Variants in DAGLB observed in about 807,000 individuals in gnomAD.
DAGLB encodes the protein diacylglycerol lipase beta.
DAGLB carries 66 observed loss-of-function variants against 72.1 expected under a neutral mutation model. The observed-to-expected ratio is 0.92, with a 90% CI of 0.75 to 1.12. DAGLB has a LOEUF of 1.12. Ranked by LOEUF, DAGLB falls within the 50% of genes most tolerant of loss-of-function variation. The probability of loss-of-function intolerance (pLI) is 0.00; values close to 1 mark genes in which losing one functional copy is unlikely to be tolerated. For missense variants in DAGLB, 1,065 were observed against 884.9 expected (o/e 1.20, Z -2.58); for synonymous variants, 414 against 359.5 (o/e 1.15, Z -1.71).
intron 1 of DAGLB, 91 bp from the exon 2 acceptor site, chr7:6,446,195 G>A (rs924555633): frequency 1.4e-5 from 19 of 1,381,488 alleles, no homozygotes; most frequent in Non-Finnish European, 1.7e-5. Flanking sequence ...GGGACAGGGC[G>A]CGGTGGCTCA....
intron 7 of DAGLB, 107 bp from the exon 8 acceptor site, chr7:6,424,942 C>T: frequency 9.0e-7 from 1 of 1,108,828 alleles, no homozygotes; most frequent in Admixed American, 1.9e-5. Context: ...TCCTGCGGCA[C>T]AGAGAGGAGG....
chr7:6,436,512 G>T lies in DAGLB; in HGVS notation c.269C>A (p.Pro90Gln), dbSNP rs771119310. Residue 90 changes from proline to glutamine, a missense_variant, in exon 3 of 15, where the codon CCG becomes CAG. Pro to Gln is a moderately conservative substitution (Grantham distance 76, BLOSUM62 -1). Transcript: ENST00000297056. Reference sequence around the variant, plus strand: ...AAGCAGCTTAGACATAGACTTCCGCGGTCCAGGGTTACAAATCGTTCCTGA... The same window carrying T: ...AAGCAGCTTAGACATAGACTTCCGCTGTCCAGGGTTACAAATCGTTCCTGA... ...SMRGTICNPG[P>Q]RKSMSKLLYI... 1.9e-6 allele frequency: 3 copies of T among 1,614,050 alleles called. No individual in the cohort carries two copies. Among genetic ancestry groups the T allele is most frequent in the Admixed American group, 3.3e-5 (2 of 59,954 alleles).
At chr7:6,416,011 C>T (rs1016799599) in intron 11 of DAGLB, among the ~76,000 whole-genome samples, 4 of 151,742 alleles carry the variant, frequency 2.6e-5, no homozygotes, top group African/African-American at 9.7e-5. Flanking sequence ...ATGTCAACAA[C>T]CGGACCCCTC....
intron 5 of DAGLB, among the ~76,000 whole-genome samples, chr7:6,431,973 T>A (rs928010985): frequency 7.2e-5 from 11 of 151,996 alleles, no homozygotes; most frequent in Non-Finnish European, 1.5e-4. Flanking sequence ...GACAAAATAA[T>A]CTGTACAACA....
At chr7:6,416,068 G>A (rs1783903845) in intron 11 of DAGLB, among the ~76,000 whole-genome samples, 1 of 152,032 alleles carries the variant, frequency 6.6e-6, no homozygotes, top group African/African-American at 2.4e-5. Flanking sequence ...TTGTGGGGAG[G>A]GAGGGTATGA....
At chr7:6,430,268 T>C (rs1169092003) in intron 6 of DAGLB, among the ~76,000 whole-genome samples, 3 of 120,412 alleles carry the variant, frequency 2.5e-5, no homozygotes, top group Non-Finnish European at 3.4e-5. Context: ...TATATATATA[T>C]ATATATATAT....
At chr7:6,425,407 G>A (rs2115264202) in intron 7 of DAGLB, among the ~76,000 whole-genome samples, 1 of 152,332 alleles carries the variant, frequency 6.6e-6, no homozygotes, top group East Asian at 1.9e-4. Context: ...GACCAGCAGA[G>A]ACTACAGGCG....
At chr7:6,440,238 G>A (rs1784787046) in intron 2 of DAGLB, among the ~76,000 whole-genome samples, 1 of 151,576 alleles carries the variant, frequency 6.6e-6, no homozygotes, top group East Asian at 1.9e-4. Flanking sequence ...TATAAAATTA[G>A]CCAGGTGTGG....
chr7:6,419,460 G>A (rs563492392), intron 9 of DAGLB, among the ~76,000 whole-genome samples: 12 of 152,236 alleles, frequency 7.9e-5, no homozygotes, highest in South Asian at 6.2e-4. Flanking sequence ...GAGCCTCCCC[G>A]GCGCACATCC....
At position 6,410,147 on chromosome 7, in the gene DAGLB, C is replaced by T. The variant is rs774502686; in HGVS notation, c.1803G>A (p.Glu601=). 3.2e-6 allele frequency: 5 copies of T among 1,575,794 alleles called. No individual in the cohort carries two copies. In the African/African-American group the frequency reaches 6.7e-5, roughly 21 times the overall value. The change falls in exon 14 of 15, where the codon GAG becomes GAA. Residue 601 remains glutamate, a synonymous_variant. Coordinates refer to ENST00000297056, the MANE Select transcript of DAGLB (RefSeq NM_139179.4). The stretch of plus-strand genomic sequence containing the variant: ...GCACTCACCGCCCCGAGGCGCCCTC[C>T]TCCTGCAGGTGGATGATCCTGCCGG... ...YPPGRIIHLQ[E]EGASGRFGCC...
chr7:6,438,004 TA>T (rs1248469982), intron 2 of DAGLB, among the ~76,000 whole-genome samples: 1 of 152,212 alleles, frequency 6.6e-6, no homozygotes, highest in African/African-American at 2.4e-5. Context: ...AGTTACATTT[TA>T]AAATATTAGG....
At chr7:6,443,142 T>C (rs1324392998) in intron 2 of DAGLB, among the ~76,000 whole-genome samples, 2 of 139,486 alleles carry the variant, frequency 1.4e-5, no homozygotes, top group Admixed American at 1.6e-4. Context: ...GAGATAGAGA[T>C]AGTGCCACTG....
chr7:6,416,740 G>A lies in DAGLB; in HGVS notation c.1314C>T (p.Val438=). ...CGCCCCCGAGGCTGTGGCCCACTAT[G>A]ACCAGCCGGTACTCCTAGAGGACAG... ...AFSIAPEYRL[V]IVGHSLGGGA... Residue 438 remains valine (V), a synonymous_variant, in exon 11 of 15, where the codon GTC becomes GTT. Coordinates refer to ENST00000297056, the MANE Select transcript of DAGLB (RefSeq NM_139179.4). 1 of 1,613,786 alleles carries A rather than the reference G, an allele frequency of 6.2e-7. No homozygotes were observed. The highest frequency in any genetic ancestry group is 8.5e-7 in the Non-Finnish European group (1 of 1,179,862).
At chr7:6,445,925 G>C (rs73342964) in intron 2 of DAGLB, 28 bp downstream of exon 2, 1 of 1,560,168 alleles carries the variant, frequency 6.4e-7, no homozygotes, top group Admixed American at 2.1e-5. Flanking sequence ...AAAAAAATAG[G>C]TATCAAATAG....
At position 6,409,788 on chromosome 7, in the gene DAGLB, G is replaced by A; in HGVS notation, c.*49C>T. ...TCCTCGGATGGTAAGTCAGTTTAAG[G>A]ACAAAAGCGTGAGTCCATCGTTCCT... On this transcript the variant is annotated 3_prime_UTR_variant, in exon 15 of 15. Transcript: ENST00000297056. 1 of 1,587,004 alleles carries A rather than the reference G, an allele frequency of 6.3e-7. No individual in the cohort carries two copies. Among genetic ancestry groups the A allele is most frequent in the Non-Finnish European group, 8.6e-7 (1 of 1,164,718 alleles).
intron 1 of DAGLB, among the ~76,000 whole-genome samples, chr7:6,447,007 C>T (rs998055689): frequency 2.6e-5 from 4 of 152,014 alleles, no homozygotes; most frequent in African/African-American, 9.6e-5. Context: ...GAGACCCTGT[C>T]TCAAAAAAAT....
intron 4 of DAGLB, among the ~76,000 whole-genome samples, chr7:6,434,071 C>T (rs1784574219): frequency 6.6e-6 from 1 of 152,100 alleles, no homozygotes; most frequent in Non-Finnish European, 1.5e-5. Flanking sequence ...TGTCAGGCTC[C>T]AGGACCAGCC....
intron 14 of DAGLB, 45 bp downstream of exon 14, chr7:6,410,085 C>T (rs146258893): frequency 0.012 from 19,319 of 1,586,118 alleles, 161 homozygotes; most frequent in South Asian, 0.013. Context: ...GGGCTGACCC[C>T]GCGCTGCTCC....
intron 13 of DAGLB, 87 bp from the exon 14 acceptor site, chr7:6,410,467 G>A: frequency 2.0e-6 from 3 of 1,512,124 alleles, no homozygotes; most frequent in Non-Finnish European, 2.7e-6. Context: ...ACCAGGCACA[G>A]GAATCTGCCC....
Sources: allele counts gnomAD v4.1 joint callset (sites outside exome capture counted in the v4.1 genomes callset), GRCh38; gene constraint gnomAD v4.1.1; transcripts MANE v1.5; gene names NCBI Gene and HGNC (gene_info 2026-07-23, HGNC 2026-07-21).